The following ZPBP variants were observed in gnomAD, a reference collection of about 807,000 sequenced individuals.
The protein encoded by ZPBP is zona pellucida binding protein.
Under a neutral mutation model 44.8 loss-of-function variants are expected in ZPBP, and 26 were observed. The observed-to-expected ratio is 0.58, with a 90% CI of 0.43 to 0.81. The LOEUF (loss-of-function observed/expected upper bound fraction) is 0.81. ZPBP is among the 30% of genes least tolerant of loss of function. The pLI, the probability that ZPBP is intolerant of heterozygous loss-of-function variation, is 0.00. For synonymous variants in ZPBP, 174 were observed against 153.2 expected (o/e 1.14, Z -1.00); for missense variants, 409 against 434.0 (o/e 0.94, Z 0.51).
intron 2 of ZPBP, among the ~76,000 whole-genome samples, chr7:49,859,623 G>A (rs1253421606): frequency 6.6e-6 from 1 of 152,214 alleles, no homozygotes; most frequent in Non-Finnish European, 1.5e-5. Context: ...TTACACAGGT[G>A]TATTTGCCTA....
Position 50,051,773 on chromosome 7 carries a change from C to A in ZPBP, c.487+6216G>T, listed in dbSNP as rs541613820. Among the ~76,000 whole-genome samples, 3 of 152,034 alleles carry A rather than the reference C, an allele frequency of 2.0e-5. No individual in the cohort carries two copies. The East Asian group carries it at 5.8e-4, about 29-fold the overall frequency. The stretch of plus-strand genomic sequence containing the variant: ...GAGCTGAACAATGAGAACACATCAA[C>A]ACAGGGAGGGGAACAACACACACTG... On this transcript the variant is annotated intron_variant, in intron 4 of 7. Transcript: ENST00000046087.
At chr7:50,064,766 A>G (rs1270195328) in intron 3 of ZPBP, among the ~76,000 whole-genome samples, 1 of 152,176 alleles carries the variant, frequency 6.6e-6, no homozygotes, top group East Asian at 1.9e-4. Context: ...CCCACATTTC[A>G]TATTGCTCAA....
At chr7:49,898,158 T>C (rs541514875) in intron 2 of ZPBP, among the ~76,000 whole-genome samples, 6 of 152,178 alleles carry the variant, frequency 3.9e-5, no homozygotes, top group Middle Eastern at 6.8e-3. Context: ...TATATATGTG[T>C]ATGCTTTATA....
chr7:49,950,557 T>C (rs1248186732), intron 7 of ZPBP, among the ~76,000 whole-genome samples: 2 of 151,752 alleles, frequency 1.3e-5, no homozygotes, highest in Non-Finnish European at 3.0e-5. Context: ...TCATAATTCT[T>C]TAAAAGACGT....
At chr7:49,947,317 C>T (rs1015782134) in intron 7 of ZPBP, among the ~76,000 whole-genome samples, 4 of 152,096 alleles carry the variant, frequency 2.6e-5, no homozygotes, top group African/African-American at 4.8e-5. Flanking sequence ...GCAGTCTGGG[C>T]TTTTATGTAC....
chr7:49,949,434 A>G (rs1347464346), intron 7 of ZPBP, among the ~76,000 whole-genome samples: 1 of 152,176 alleles, frequency 6.6e-6, no homozygotes, highest in Non-Finnish European at 1.5e-5. Context: ...TAGGTACAAT[A>G]GAATGTTATT....
At chr7:50,090,028 T>C (rs1802871180) in intron 1 of ZPBP, among the ~76,000 whole-genome samples, 4 of 152,162 alleles carry the variant, frequency 2.6e-5, no homozygotes, top group Admixed American at 2.6e-4. Context: ...CGTTTGTCCT[T>C]AGCACTTCTT....
intron 1 of ZPBP, among the ~76,000 whole-genome samples, chr7:49,931,876 G>A (rs756503696): frequency 2.0e-5 from 3 of 152,230 alleles, no homozygotes; most frequent in Non-Finnish European, 4.4e-5. Context: ...TAGGGCCATG[G>A]TGCCCTGCAC....
At chr7:50,072,236 T>G (rs1485965673) in intron 3 of ZPBP, among the ~76,000 whole-genome samples, 1 of 152,104 alleles carries the variant, frequency 6.6e-6, no homozygotes, top group Admixed American at 6.5e-5. Flanking sequence ...CTGGGGGTGG[T>G]GGTGGCTATC....
At chr7:50,035,068 C>A (rs767270030) in intron 4 of ZPBP, among the ~76,000 whole-genome samples, 82 of 152,304 alleles carry the variant, frequency 5.4e-4, no homozygotes, top group Non-Finnish European at 9.3e-4. Flanking sequence ...CCAGCAGGCA[C>A]CAAAGGAATC....
In ZPBP at chr7:50,093,061, C is replaced by A; in HGVS notation, c.127+7G>T. 6.3e-7 allele frequency: 1 copy of A among 1,598,622 alleles called. No homozygotes were observed. The highest frequency in any genetic ancestry group is 8.5e-7 in the Non-Finnish European group (1 of 1,173,272). ...TGCGGAGCCGGCAGGGCGGCGCGGA[C>A]CCTCACCTGATGAGGGCACCCGCAC... is the stretch of plus-strand genomic sequence containing the variant. On this transcript the variant is annotated splice_region_variant and intron_variant, in intron 1 of 7. Coordinates refer to ENST00000046087, the MANE Select transcript of ZPBP (RefSeq NM_007009.3).
At chr7:49,960,578 G>A (rs1158403910) in intron 7 of ZPBP, among the ~76,000 whole-genome samples, 1 of 152,070 alleles carries the variant, frequency 6.6e-6, no homozygotes, top group Non-Finnish European at 1.5e-5. Flanking sequence ...GCCACAATCT[G>A]AGAGAAAATA....
intron 3 of ZPBP, among the ~76,000 whole-genome samples, chr7:50,063,893 C>T (rs1801374497): frequency 1.3e-5 from 2 of 152,166 alleles, no homozygotes; most frequent in South Asian, 2.1e-4. Flanking sequence ...CTGCCTGCAA[C>T]CTTATGATGC....
chr7:50,008,489 G>T (rs1246632272), intron 6 of ZPBP, among the ~76,000 whole-genome samples: 1 of 151,900 alleles, frequency 6.6e-6, no homozygotes, highest in Non-Finnish European at 1.5e-5. Context: ...AAATGCCAAT[G>T]CCATTTTTTT....
At chr7:50,068,613 C>T (rs867367207) in intron 3 of ZPBP, among the ~76,000 whole-genome samples, 1 of 152,138 alleles carries the variant, frequency 6.6e-6, no homozygotes, top group Non-Finnish European at 1.5e-5. Context: ...CTTCTCTTTC[C>T]GTAAGGGTTG....
chr7:50,027,881 A>C (rs1263847374), intron 5 of ZPBP, among the ~76,000 whole-genome samples: 1 of 152,062 alleles, frequency 6.6e-6, no homozygotes, highest in Non-Finnish European at 1.5e-5. Context: ...GAAAATATGA[A>C]TAGGTCTATA....
intron 4 of ZPBP, among the ~76,000 whole-genome samples, chr7:50,046,611 G>A (rs1355502497): frequency 6.6e-6 from 1 of 152,170 alleles, no homozygotes; most frequent in Non-Finnish European, 1.5e-5. Context: ...TCTCACACCA[G>A]TTAGAATGGC....
chr7:49,917,795 T>A (rs1793803858), intron 1 of ZPBP: 1 of 151,734 alleles, frequency 6.6e-6, no homozygotes, highest in African/African-American at 2.4e-5. Context: ...TTATTTGAAT[T>A]TCTGTAATTT....
chr7:50,015,941 A>G (rs1294582370), intron 6 of ZPBP, among the ~76,000 whole-genome samples: 1 of 152,148 alleles, frequency 6.6e-6, no homozygotes, highest in Non-Finnish European at 1.5e-5. Flanking sequence ...TAGAGAAAAG[A>G]GAACACTTCT....
Sources: gnomAD v4.1 joint callset for allele counts (sites outside exome capture counted in the v4.1 genomes callset) on GRCh38, gnomAD v4.1.1 for gene constraint, MANE v1.5 for transcripts, NCBI Gene and HGNC (gene_info 2026-07-23, HGNC 2026-07-21) for gene names.